Variants in ADGRG1 observed in about 807,000 individuals in gnomAD.
The protein encoded by ADGRG1 is adhesion G protein-coupled receptor G1.
In ADGRG1, 53 loss-of-function variants were observed where a neutral mutation model predicts 73.5. The ratio of observed to expected loss-of-function variants is 0.72; its 90% CI spans 0.58 to 0.91. ADGRG1 has a LOEUF of 0.91. Among genes scored for constraint, ADGRG1 ranks in the 40% least tolerant of loss-of-function variants. The pLI, the probability that ADGRG1 is intolerant of heterozygous loss-of-function variation, is 0.00. For synonymous variants in ADGRG1, 394 were observed against 374.4 expected (o/e 1.05, Z -0.60); for missense variants, 795 against 871.8 (o/e 0.91, Z 1.11).
At position 57,629,289 on chromosome 16, in the gene ADGRG1, G is replaced by A. The variant is rs78396043; in HGVS notation, c.-36+487G>A. 9.6e-3 allele frequency: 4,226 copies of A among 440,166 alleles called. 176 individuals carry two copies. Among genetic ancestry groups the A allele is most frequent in the African/African-American group, 0.081 (3,824 of 47,230 alleles). The allele number at this position is 440,166 out of a possible 1,614,324, so 27.3% of individuals were successfully genotyped here. Reference sequence around the variant, plus strand: ...GAGGGGACTGGGGCCCAAGGGGAGCGACACCTCCCGGGGCTCCCAGGCATT... The same window carrying A: ...GAGGGGACTGGGGCCCAAGGGGAGCAACACCTCCCGGGGCTCCCAGGCATT... On this transcript the variant is annotated intron_variant, in intron 1 of 13. Transcript: ENST00000562631.
At chr16:57,657,084 ATGT>A (rs2045915872) in intron 9 of ADGRG1, among the ~76,000 whole-genome samples, 1 of 152,194 alleles carries the variant, frequency 6.6e-6, no homozygotes, top group South Asian at 2.1e-4. Flanking sequence ...ACCTATTCCC[ATGT>A]TAAATGTTAT....
At chr16:57,620,645 G>A (rs770456654), upstream of ADGRG1, 12 of 152,298 alleles carry the variant, frequency 7.9e-5, no homozygotes, top group Non-Finnish European at 1.8e-4. Flanking sequence ...GGAAGGAACA[G>A]GGTGCAGGCC....
At chr16:57,651,722 G>T (rs2044148505) in intron 3 of ADGRG1, 100 bp downstream of exon 3, 13 of 1,514,902 alleles carry the variant, frequency 8.6e-6, no homozygotes, top group Middle Eastern at 2.1e-4. Context: ...AGATCATGAA[G>T]ACTGGGCTTT....
chr16:57,643,007 A>G (rs1182006328), intron 1 of ADGRG1: 5 of 152,256 alleles, frequency 3.3e-5, no homozygotes, highest in African/African-American at 1.2e-4. Flanking sequence ...CTAATTGAGC[A>G]CTTGGTGAGT....
intron 1 of ADGRG1, chr16:57,644,238 TCATGCACACA>T: frequency 1.0e-6 from 1 of 955,896 alleles, no homozygotes; most frequent in South Asian, 4.9e-5. Flanking sequence ...GCACACACAC[TCATGCACACA>T]CATGCACAGT....
At chr16:57,661,394 A>G in intron 12 of ADGRG1, 1 of 985,280 alleles carries the variant, frequency 1.0e-6, no homozygotes. Flanking sequence ...CCTGAGCTCC[A>G]GCCTGGGAAG....
chr16:57,630,599 T>C, intron 1 of ADGRG1: 1 of 865,894 alleles, frequency 1.2e-6, no homozygotes. Flanking sequence ...TGTCCCGGCC[T>C]GGGCCACTGG....
chr16:57,650,748 G>A (rs1014194446), intron 2 of ADGRG1, among the ~76,000 whole-genome samples: 8 of 121,784 alleles, frequency 6.6e-5, no homozygotes, highest in African/African-American at 2.0e-4. Flanking sequence ...TTGCTCTGTC[G>A]CCCAGGCTGG....
chr16:57,646,344 G>T lies in ADGRG1; in HGVS notation c.-35-3909G>T. The T allele has an allele frequency of 7.1e-6, 7 of 980,324 alleles. No individual in the cohort carries two copies. In the South Asian group the frequency reaches 1.4e-4, roughly 20 times the overall value. 60.7% of individuals were successfully genotyped at this position (980,324 alleles called of 1,614,324 possible). On this transcript the variant is annotated intron_variant, in intron 1 of 13. Coordinates refer to ENST00000562631, the MANE Select transcript of ADGRG1 (RefSeq NM_201525.4). ...GGTCTGGAGCTGGAGCCCTGGGGGTGGGGCGGGGGATGGGCTGGTGGTGGG... is the reference window on the plus strand; with the variant it reads ...GGTCTGGAGCTGGAGCCCTGGGGGTTGGGCGGGGGATGGGCTGGTGGTGGG...
At chr16:57,632,821 G>GGA in intron 1 of ADGRG1, 2 of 985,418 alleles carry the variant, frequency 2.0e-6, no homozygotes, top group Non-Finnish European at 1.2e-6. Context: ...TGCATTAGTG[G>GGA]GAGATGGCCT....
upstream of ADGRG1, chr16:57,624,754 G>A: frequency 1.0e-6 from 1 of 978,600 alleles, no homozygotes; most frequent in South Asian, 4.7e-5. Context: ...CTGTCCTGAG[G>A]CTCTCATGTT....
chr16:57,626,980 G>C (rs893675011), upstream of ADGRG1: 3 of 985,566 alleles, frequency 3.0e-6, no homozygotes, highest in African/African-American at 1.7e-5. Context: ...AGAGAGCAGA[G>C]GGTATGACAT....
intron 1 of ADGRG1, chr16:57,647,993 C>T (rs1393867664): frequency 6.5e-6 from 1 of 153,646 alleles, no homozygotes; most frequent in Admixed American, 6.5e-5. Context: ...TGAAGGCTCA[C>T]TTTGAAGGTC....
intron 1 of ADGRG1, chr16:57,631,402 T>C: frequency 2.0e-6 from 2 of 985,724 alleles, no homozygotes; most frequent in Non-Finnish European, 2.4e-6. Context: ...ATTTCAGGGA[T>C]GCAGGATGGG....
chr16:57,652,399 G>A (rs962907639), intron 3 of ADGRG1, among the ~76,000 whole-genome samples: 2 of 152,148 alleles, frequency 1.3e-5, no homozygotes, highest in African/African-American at 2.4e-5. Context: ...GATTGTGTCA[G>A]TGTAACAGGC....
intron 1 of ADGRG1, chr16:57,639,581 G>A (rs984018164): frequency 1.8e-4 from 177 of 985,188 alleles, no homozygotes; most frequent in Non-Finnish European, 2.0e-4. Context: ...CACCAGCCCC[G>A]CAGGCTACTG....
rs1286791310 is a variant in ADGRG1, at chr16:57,650,362, C to G, written c.64+11C>G. The G allele has an allele frequency of 6.2e-7, 1 of 1,609,338 alleles. No homozygotes were observed. ...TCTTCCTGGTCCAAGGCAGGTCTTC[C>G]CAGGGGTGCCCTGGGCTGTTGGAAC... On this transcript the variant is annotated intron_variant, in intron 2 of 13. Transcript: ENST00000562631.
intron 2 of ADGRG1, chr16:57,622,643 G>C: frequency 2.8e-6 from 1 of 357,422 alleles, no homozygotes. Flanking sequence ...TCTGGGCTCA[G>C]GGGCTTCTGA....
intron 13 of ADGRG1, among the ~76,000 whole-genome samples, chr16:57,662,695 C>T (rs573452379): frequency 2.1e-4 from 32 of 150,864 alleles, no homozygotes; most frequent in African/African-American, 7.3e-4. Context: ...GGCGGCGGGT[C>T]GGGGCGGAGA....
Sources: gnomAD v4.1 joint callset for allele counts (sites outside exome capture counted in the v4.1 genomes callset) on GRCh38, gnomAD v4.1.1 for gene constraint, MANE v1.5 for transcripts, NCBI Gene and HGNC (gene_info 2026-07-23, HGNC 2026-07-21) for gene names.